ARFGEF3: variants seen among roughly 807,000 people sequenced by gnomAD.
ARFGEF3 encodes brefeldin A-inhibited guanine nucleotide-exchange protein 3.
A neutral mutation model predicts 221.7 loss-of-function variants in ARFGEF3; 96 were observed. The observed-to-expected ratio is 0.43, with a 90% CI of 0.37 to 0.51. The LOEUF (loss-of-function observed/expected upper bound fraction) is 0.51. Among genes scored for constraint, ARFGEF3 ranks in the 20% least tolerant of loss-of-function variants. ARFGEF3 has a pLI of 0.00. For synonymous variants in ARFGEF3, 1,145 were observed against 1,126.8 expected, an observed-to-expected ratio of 1.02 and a Z score of -0.32; for missense variants, 2,410 against 2,789.9, an observed-to-expected ratio of 0.86 and a Z score of 3.07.
In ARFGEF3 at chr6:138,227,049, T is replaced by G. The variant is rs112202873; in HGVS notation, c.352-2735T>G. Among the ~76,000 whole-genome samples the G allele has an allele frequency of 2.1e-3, 324 of 152,184 alleles. 1 individual carries two copies. The highest frequency in any genetic ancestry group is 6.9e-3 in the African/African-American group (287 of 41,518). On this transcript the variant is annotated intron_variant, in intron 4 of 33. Coordinates refer to ENST00000251691, the MANE Select transcript of ARFGEF3 (RefSeq NM_020340.5). ...TGTTTTCAGGGTTGATTTTGTTTTT[T>G]TTTTTTCCATATAGCTCAGTGAGTC...
chr6:138,171,663 C>A (rs1342122680), intron 2 of ARFGEF3, among the ~76,000 whole-genome samples: 1 of 152,174 alleles, frequency 6.6e-6, no homozygotes, highest in Non-Finnish European at 1.5e-5. Flanking sequence ...TAAGGATAAC[C>A]ACTGATAACA....
chr6:138,329,748 C>T (rs947879030), intron 32 of ARFGEF3, among the ~76,000 whole-genome samples: 7 of 152,236 alleles, frequency 4.6e-5, no homozygotes, highest in Non-Finnish European at 8.8e-5. Context: ...AGAGTTGCTG[C>T]AGTGGACAGA....
At chr6:138,292,919 TATA>T (rs772353576) in intron 19 of ARFGEF3, among the ~76,000 whole-genome samples, 18 of 152,212 alleles carry the variant, frequency 1.2e-4, no homozygotes, top group Non-Finnish European at 2.5e-4. Flanking sequence ...TCAGGTGGAA[TATA>T]ATATTCATCA....
intron 3 of ARFGEF3, 125 bp from the exon 4 acceptor site, chr6:138,209,785 C>T: frequency 8.1e-7 from 1 of 1,231,714 alleles, no homozygotes; most frequent in Middle Eastern, 2.2e-4. Flanking sequence ...TAAGTTCTTT[C>T]TTAATGGCCT....
At chr6:138,169,422 A>G (rs1001241771) in intron 1 of ARFGEF3, among the ~76,000 whole-genome samples, 1 of 152,104 alleles carries the variant, frequency 6.6e-6, no homozygotes, top group Non-Finnish European at 1.5e-5. Flanking sequence ...AGCCTTATAG[A>G]GCTGGGCACT....
At position 138,291,394 on chromosome 6, in the gene ARFGEF3, G is replaced by T. The variant is rs2114635805; in HGVS notation, c.3048-339G>T. On this transcript the variant is annotated intron_variant, in intron 18 of 33. Coordinates refer to ENST00000251691, the MANE Select transcript of ARFGEF3 (RefSeq NM_020340.5). This position sits in a 1 kb window ranked among gnomAD's most constrained non-coding sequence, Gnocchi z 4.5. ...GAAAGAGGGTGCCTGGGGAAAAATGGCTCAAACAGCAGGAGGGCAGATAAG... is the reference window on the plus strand; with the variant it reads ...GAAAGAGGGTGCCTGGGGAAAAATGTCTCAAACAGCAGGAGGGCAGATAAG... Among the ~76,000 whole-genome samples, 1 of 150,990 alleles carries T rather than the reference G, an allele frequency of 6.6e-6. No individual in the cohort carries two copies. Among genetic ancestry groups the T allele is most frequent in the East Asian group, 2.0e-4 (1 of 5,092 alleles).
intron 14 of ARFGEF3, among the ~76,000 whole-genome samples, chr6:138,281,420 G>A (rs116398420): frequency 2.6e-5 from 4 of 152,274 alleles, no homozygotes; most frequent in Non-Finnish European, 5.9e-5. Context: ...CCCATCACCC[G>A]GGTACTGAGT....
intron 8 of ARFGEF3, among the ~76,000 whole-genome samples, chr6:138,250,952 C>T (rs752407677): frequency 3.3e-5 from 5 of 152,182 alleles, no homozygotes; most frequent in Admixed American, 6.5e-5. Flanking sequence ...AGCTTTTACA[C>T]GCATACATGC....
intron 21 of ARFGEF3, among the ~76,000 whole-genome samples, chr6:138,297,918 T>C (rs1583055542): frequency 6.6e-6 from 1 of 152,200 alleles, no homozygotes; most frequent in East Asian, 1.9e-4. Context: ...CTGGGAAGGC[T>C]AGACAAATAG....
At chr6:138,238,008 A>G (rs924129278) in intron 5 of ARFGEF3, among the ~76,000 whole-genome samples, 9 of 152,226 alleles carry the variant, frequency 5.9e-5, no homozygotes, top group African/African-American at 1.7e-4. Context: ...CATGCTACCT[A>G]GTAACACAGC....
At chr6:138,312,775 T>A (rs963649099) in intron 25 of ARFGEF3, among the ~76,000 whole-genome samples, 2 of 152,218 alleles carry the variant, frequency 1.3e-5, no homozygotes, top group African/African-American at 4.8e-5. Context: ...AGTGGCATGA[T>A]CTCAGCTCAC....
At position 138,324,043 on chromosome 6, in the gene ARFGEF3, C is replaced by T. The variant is rs1331937286; in HGVS notation, c.4890C>T (p.His1630=). The change falls in exon 31 of 34, where the codon CAC becomes CAT. Residue 1630 remains histidine, a synonymous_variant. Transcript: ENST00000251691. The stretch of plus-strand genomic sequence containing the variant: ...CCCAGGACCTGCTGGGCTGCTTCCA[C>T]AGCGGCACGGAGAGCTTCAGCGGGG... ...KPVKDLLGCF[H]SGTESFSGEG... is the part of the protein sequence containing the mutation. 6.2e-7 allele frequency: 1 copy of T among 1,613,714 alleles called. No homozygotes were observed.
At position 138,264,876 on chromosome 6, in the gene ARFGEF3, A is replaced by G. The variant is rs1778857709; in HGVS notation, c.2128+1265A>G. Among the ~76,000 whole-genome samples, 4 of 151,744 alleles carry G rather than the reference A, an allele frequency of 2.6e-5. No homozygotes were observed. The South Asian group carries it at 8.3e-4, about 32-fold the overall frequency. On this transcript the variant is annotated intron_variant, in intron 12 of 33. Coordinates refer to ENST00000251691, the MANE Select transcript of ARFGEF3 (RefSeq NM_020340.5). The stretch of plus-strand genomic sequence containing the variant: ...GAAAAAGACACTTAAATCTCTGTAT[A>G]TATAAGAAGGAACAAATTTTTTTTT...
At chr6:138,197,874 A>G (rs1777459684) in intron 2 of ARFGEF3, among the ~76,000 whole-genome samples, 1 of 152,214 alleles carries the variant, frequency 6.6e-6, no homozygotes, top group African/African-American at 2.4e-5. Context: ...AGTATACTCT[A>G]GAGTTATTGT....
chr6:138,295,343 G>C (rs545266396), intron 20 of ARFGEF3, among the ~76,000 whole-genome samples: 7 of 152,164 alleles, frequency 4.6e-5, no homozygotes, highest in Non-Finnish European at 1.0e-4. Context: ...ATATAGGCCA[G>C]GTGTGGCAGC....
At chr6:138,184,164 A>T (rs1470843735) in intron 2 of ARFGEF3, among the ~76,000 whole-genome samples, 3 of 152,244 alleles carry the variant, frequency 2.0e-5, no homozygotes, top group South Asian at 4.1e-4. Flanking sequence ...CAAAATTTTT[A>T]AAATTATTCA....
chr6:138,294,200 G>T, intron 20 of ARFGEF3, 74 bp downstream of exon 20: 3 of 1,485,798 alleles, frequency 2.0e-6, no homozygotes, highest in Non-Finnish European at 2.7e-6. Flanking sequence ...CACCAGCAGC[G>T]TGCCTGAAGA....
Position 138,323,667 on chromosome 6 carries a change from G to A in ARFGEF3, c.4767-4G>A. The A allele has an allele frequency of 1.9e-6, 3 of 1,612,020 alleles. No individual in the cohort carries two copies. Among genetic ancestry groups the A allele is most frequent in the Non-Finnish European group, 2.5e-6 (3 of 1,178,880 alleles). On this transcript the variant is annotated splice_polypyrimidine_tract_variant and splice_region_variant and intron_variant, in intron 29 of 33. Coordinates refer to ENST00000251691, the MANE Select transcript of ARFGEF3 (RefSeq NM_020340.5). ...AAAACTCCTTTACTTGTTTCTTTTG[G>A]CAGATACGTCCTTGTGACAGCGGGC...
chr6:138,228,343 A>AT (rs1290786424), intron 4 of ARFGEF3, among the ~76,000 whole-genome samples: 8,905 of 137,984 alleles, frequency 0.065, 510 homozygotes, highest in African/African-American at 0.16. Flanking sequence ...CACCTGGATA[A>AT]TTTTTTTTTT....
Sources: gnomAD v4.1 joint callset for allele counts (sites outside exome capture counted in the v4.1 genomes callset) on GRCh38, gnomAD v4.1.1 for gene constraint, Gnocchi (gnomAD v3.1) non-coding constraint, MANE v1.5 for transcripts, NCBI Gene and HGNC (gene_info 2026-07-23, HGNC 2026-07-21) for gene names.